Variants in MGAM2 observed in about 807,000 individuals in gnomAD.
MGAM2 encodes the protein probable maltase-glucoamylase 2.
MGAM2 carries 98 observed loss-of-function variants against 96.1 expected under a neutral mutation model. The ratio of observed to expected loss-of-function variants is 1.02; its 90% confidence interval spans 0.87 to 1.21. The LOEUF is 1.21. MGAM2 is among the 50% of genes most tolerant of loss of function. The pLI, the probability that MGAM2 is intolerant of heterozygous loss-of-function variation, is 0.00. For missense variants in MGAM2, 2,055 were observed against 1,182.4 expected, an observed-to-expected ratio of 1.74 and a Z score of -10.82; for synonymous variants, 749 against 414.8, an observed-to-expected ratio of 1.81 and a Z score of -9.79.
chr7:142,115,444 A>C (rs1303624432), intron 1 of MGAM2, among the ~76,000 whole-genome samples: 1 of 152,244 alleles, frequency 6.6e-6, no homozygotes, highest in East Asian at 1.9e-4. Context: ...TTAAATAATC[A>C]ATACTGAGGC....
chr7:142,134,171 TGAGTATCGCCCA>T lies in MGAM2; in HGVS notation c.747+20_747+31del. 1 of 724,230 alleles carries T rather than the reference TGAGTATCGCCCA, an allele frequency of 1.4e-6. No homozygotes were observed. Among genetic ancestry groups the T allele is most frequent in the Admixed American group, 1.9e-5 (1 of 52,466 alleles). 44.9% of individuals were successfully genotyped at this position (724,230 alleles called of 1,614,324 possible). On this transcript the variant is annotated intron_variant, in intron 7 of 47. Coordinates refer to ENST00000477922, the MANE Select transcript of MGAM2 (RefSeq NM_001293626.2). ...CACCGAGGTGAGGTGGCTTTCCTCC[TGAGTATCGCCCA>T]CAGTAAGGGATACCCTCCTTCCTTT...
At chr7:142,123,176 T>A (rs1289457590) in intron 3 of MGAM2, among the ~76,000 whole-genome samples, 2 of 152,016 alleles carry the variant, frequency 1.3e-5, no homozygotes, top group Non-Finnish European at 2.9e-5. Flanking sequence ...ATATTCTTTT[T>A]TTTTTTTCTG....
intron 32 of MGAM2, among the ~76,000 whole-genome samples, chr7:142,181,251 G>C (rs1319527485): frequency 6.6e-6 from 1 of 152,180 alleles, no homozygotes; most frequent in Non-Finnish European, 1.5e-5. Context: ...GGGTTTGACT[G>C]TGGTGTATGT....
chr7:142,161,909 G>A, intron 22 of MGAM2, 46 bp from the exon 23 acceptor site: 3 of 659,906 alleles, frequency 4.5e-6, no homozygotes, highest in African/African-American at 1.8e-5. Context: ...GGACTCCCTG[G>A]CTGATTGGCT....
Position 142,172,083 on chromosome 7 carries a change from C to A in MGAM2, c.3352-15C>A, listed in dbSNP as rs575639458. On this transcript the variant is annotated splice_polypyrimidine_tract_variant and intron_variant, in intron 28 of 47. Coordinates refer to ENST00000477922, the MANE Select transcript of MGAM2 (RefSeq NM_001293626.2). ...CTTGCATTTTCTTTTTGTTTATTAC[C>A]CTCGTGACTCCCAGTACAAGAAGAA... 5.7e-6 allele frequency: 4 copies of A among 701,196 alleles called. No homozygotes were observed. In the East Asian group the frequency reaches 1.1e-4, roughly 18 times the overall value. The allele number at this position is 701,196 out of a possible 1,614,324, so 43.4% of individuals were successfully genotyped here. A position where few individuals can be genotyped will look rare whatever the true frequency, so the allele number is the denominator to read the frequency against.
intron 45 of MGAM2, among the ~76,000 whole-genome samples, chr7:142,203,838 A>T (rs1585215302): frequency 6.6e-6 from 1 of 152,088 alleles, no homozygotes; most frequent in Non-Finnish European, 1.5e-5. Context: ...GTATAAAAAA[A>T]TTAACTCGAG....
In MGAM2 at chr7:142,131,083, C is replaced by T; in HGVS notation, c.310+12C>T. The stretch of plus-strand genomic sequence containing the variant: ...AAATACAAGCACAGGTGAGCACTGC[C>T]CTGATGTTGCGCCTGGGAACAACTC... On this transcript the variant is annotated intron_variant, in intron 4 of 47. Transcript: ENST00000477922. 1 of 701,120 alleles carries T rather than the reference C, an allele frequency of 1.4e-6. No individual in the cohort carries two copies. Among genetic ancestry groups the T allele is most frequent in the Non-Finnish European group, 2.6e-6 (1 of 384,068 alleles). 43.4% of individuals were successfully genotyped at this position (701,120 alleles called of 1,614,324 possible).
chr7:142,129,153 T>C (rs915022816), intron 3 of MGAM2, among the ~76,000 whole-genome samples: 7 of 152,226 alleles, frequency 4.6e-5, no homozygotes, highest in African/African-American at 1.7e-4. Context: ...GACAGCCTCA[T>C]TGGATTTCAG....
intron 17 of MGAM2, among the ~76,000 whole-genome samples, chr7:142,156,218 A>G (rs942430940): frequency 2.6e-5 from 4 of 152,064 alleles, no homozygotes; most frequent in Non-Finnish European, 4.4e-5. Flanking sequence ...ATATAGCTCA[A>G]TGTGTATCTA....
At chr7:142,124,088 T>A (rs1794670413) in intron 3 of MGAM2, among the ~76,000 whole-genome samples, 1 of 145,680 alleles carries the variant, frequency 6.9e-6, no homozygotes, top group Non-Finnish European at 1.5e-5. Flanking sequence ...TTCTCACACC[T>A]CAGCTTCCTG....
intron 3 of MGAM2, among the ~76,000 whole-genome samples, chr7:142,128,484 A>C (rs1219508284): frequency 6.6e-6 from 1 of 152,230 alleles, no homozygotes; most frequent in Non-Finnish European, 1.5e-5. Flanking sequence ...TCTTCAGAGC[A>C]GTACCTCCCA....
intron 18 of MGAM2, 46 bp downstream of exon 18, chr7:142,158,137 A>G (rs1319001082): frequency 2.9e-6 from 2 of 699,822 alleles, no homozygotes; most frequent in Middle Eastern, 2.3e-4. Flanking sequence ...TTGTAGTTTC[A>G]CTTGACTTTG....
chr7:142,150,761 T>C (rs1795554889), intron 15 of MGAM2, among the ~76,000 whole-genome samples: 1 of 152,226 alleles, frequency 6.6e-6, no homozygotes, highest in Admixed American at 6.5e-5. Context: ...TGTGCCTTGC[T>C]ATTTTTTATA....
intron 46 of MGAM2, among the ~76,000 whole-genome samples, chr7:142,209,832 T>C (rs1797523279): frequency 6.6e-6 from 1 of 152,214 alleles, no homozygotes; most frequent in South Asian, 2.1e-4. Context: ...CATGTGGCTA[T>C]TGAACACTTG....
At chr7:142,154,898 G>T (rs996881569) in intron 17 of MGAM2, 53 bp downstream of exon 17, 7 of 698,200 alleles carry the variant, frequency 1.0e-5, no homozygotes, top group Non-Finnish European at 1.6e-5. Flanking sequence ...TAATCTACTG[G>T]CTCTTAAAGG....
At chr7:142,199,211 T>C (rs941244592) in intron 44 of MGAM2, among the ~76,000 whole-genome samples, 2 of 152,206 alleles carry the variant, frequency 1.3e-5, no homozygotes, top group African/African-American at 4.8e-5. Context: ...ACATATAATA[T>C]GTAAAAATTT....
chr7:142,128,719 C>G (rs1441574741), intron 3 of MGAM2, among the ~76,000 whole-genome samples: 3 of 152,178 alleles, frequency 2.0e-5, no homozygotes, highest in Non-Finnish European at 4.4e-5. Context: ...AAGTCAAGCA[C>G]CGAGGTATAG....
At chr7:142,185,822 G>A (rs575449680) in intron 34 of MGAM2, among the ~76,000 whole-genome samples, 167 bp from the exon 35 acceptor site, 1 of 152,328 alleles carries the variant, frequency 6.6e-6, no homozygotes, top group Non-Finnish European at 1.5e-5. Context: ...AAAGAATGAA[G>A]TCAGCCTTCC....
intron 46 of MGAM2, among the ~76,000 whole-genome samples, chr7:142,216,887 T>A (rs1159953613): frequency 2.0e-5 from 3 of 152,204 alleles, no homozygotes; most frequent in Non-Finnish European, 4.4e-5. Flanking sequence ...TTGCATGTAA[T>A]CTTCAAAATC....
Sources: allele counts gnomAD v4.1 joint callset (sites outside exome capture counted in the v4.1 genomes callset), GRCh38; gene constraint gnomAD v4.1.1; transcripts MANE v1.5; gene names NCBI Gene and HGNC (gene_info 2026-07-23, HGNC 2026-07-21).